TRDN: variants seen among roughly 807,000 people sequenced by gnomAD.
The protein encoded by TRDN is triadin in skeletal muscle.
TRDN carries 161 observed loss-of-function variants against 149.7 expected under a neutral mutation model. The observed-to-expected ratio is 1.08, with a 90% CI of 0.95 to 1.23. The LOEUF (loss-of-function observed/expected upper bound fraction) is 1.23, where lower values mean the gene tolerates loss of function less well. Among genes scored for constraint, TRDN ranks in the 50% most tolerant of loss-of-function variants. The probability of loss-of-function intolerance (pLI) is 0.00; values close to 1 mark genes in which losing one functional copy is unlikely to be tolerated. For missense variants in TRDN, 896 were observed against 823.5 expected, an observed-to-expected ratio of 1.09 and a Z score of -1.08; for synonymous variants, 294 against 250.5, an observed-to-expected ratio of 1.17 and a Z score of -1.64.
At chr6:123,442,423 G>A (rs1365826692) in intron 10 of TRDN, 1 of 140,014 alleles carries the variant, frequency 7.1e-6, no homozygotes, top group African/African-American at 3.0e-5. Context: ...GTGGGCGCCT[G>A]TAGTCCCAGC....
intron 2 of TRDN, among the ~76,000 whole-genome samples, chr6:123,558,219 CATCACTGAGTCTTTCCTCTTTCCA>C (rs1781786752): frequency 6.6e-6 from 1 of 152,040 alleles, no homozygotes; most frequent in Non-Finnish European, 1.5e-5. Context: ...CAACCCCAAG[CATCACTGAGTCTTTCCTCTTTCCA>C]ATCTTCCTTT....
chr6:123,355,538 T>A (rs1232699862), intron 20 of TRDN, among the ~76,000 whole-genome samples: 2 of 151,764 alleles, frequency 1.3e-5, no homozygotes, highest in African/African-American at 4.8e-5. Context: ...ATTCTTGATA[T>A]CTACTACTAC....
chr6:123,466,309 G>A (rs1562328978), intron 9 of TRDN, among the ~76,000 whole-genome samples: 5 of 152,126 alleles, frequency 3.3e-5, no homozygotes. Context: ...CAATTACATA[G>A]TGTTTACTAT....
chr6:123,290,630 T>C (rs1202760943), intron 24 of TRDN, among the ~76,000 whole-genome samples: 1 of 152,174 alleles, frequency 6.6e-6, no homozygotes, highest in Non-Finnish European at 1.5e-5. Flanking sequence ...GAACTTATTG[T>C]GTGGTTTAAA....
At chr6:123,296,095 C>T (rs1778183732) in intron 24 of TRDN, among the ~76,000 whole-genome samples, 1 of 152,056 alleles carries the variant, frequency 6.6e-6, no homozygotes, top group Non-Finnish European at 1.5e-5. Flanking sequence ...AATGTTGCAG[C>T]ATTATTTTCT....
chr6:123,297,418 A>T (rs1469616293), intron 24 of TRDN, among the ~76,000 whole-genome samples: 1 of 152,042 alleles, frequency 6.6e-6, no homozygotes, highest in African/African-American at 2.4e-5. Context: ...GAGGAAGTTA[A>T]TAGAGAACCA....
intron 7 of TRDN, among the ~76,000 whole-genome samples, chr6:123,508,330 C>G (rs1023331807): frequency 6.6e-6 from 1 of 151,998 alleles, no homozygotes; most frequent in Admixed American, 6.6e-5. Flanking sequence ...GAATTGCACA[C>G]GTATTAATAT....
intron 23 of TRDN, among the ~76,000 whole-genome samples, chr6:123,328,896 A>C (rs1779563632): frequency 6.6e-6 from 1 of 151,770 alleles, no homozygotes; most frequent in East Asian, 1.9e-4. Context: ...AGAGCCCAGC[A>C]CCCCCGCAGC....
At chr6:123,493,074 T>C (rs1045458664) in intron 9 of TRDN, among the ~76,000 whole-genome samples, 13 of 152,278 alleles carry the variant, frequency 8.5e-5, no homozygotes, top group African/African-American at 3.1e-4. Context: ...AAAGTATCTC[T>C]GGAGAGGGGA....
rs1282489499 is a variant in TRDN at position 123,287,355 on chromosome 6, A to G, written c.1511-8273T>C. 2.0e-5 allele frequency among the ~76,000 whole-genome samples: 3 copies of G among 152,164 alleles called. No homozygotes were observed. The East Asian group carries it at 5.8e-4, about 29-fold the overall frequency. On this transcript the variant is annotated intron_variant, in intron 24 of 40. Transcript: ENST00000334268. ...GCAATAGTAAGCCCAAGAGTAGATT[A>G]CTGGGGGAGAATTCTGTAAGGCAGT...
chr6:123,388,276 T>C (rs1781981257), intron 14 of TRDN, among the ~76,000 whole-genome samples: 1 of 152,162 alleles, frequency 6.6e-6, no homozygotes, highest in African/African-American at 2.4e-5. Context: ...GTAGGAGCCC[T>C]AGGATTTTGA....
chr6:123,221,455 A>G, intron 40 of TRDN, 32 bp downstream of exon 40: 1 of 1,480,442 alleles, frequency 6.8e-7, no homozygotes, highest in African/African-American at 1.4e-5. Flanking sequence ...ATACAGAATG[A>G]TTTATTACTT....
At chr6:123,471,349 A>G (rs1353211104) in intron 9 of TRDN, 1 of 152,202 alleles carries the variant, frequency 6.6e-6, no homozygotes, top group Non-Finnish European at 1.5e-5. Context: ...TGCCTCTTGC[A>G]TTATGTAGTT....
intron 12 of TRDN, among the ~76,000 whole-genome samples, chr6:123,411,463 C>T (rs1025818705): frequency 6.6e-6 from 1 of 152,002 alleles, no homozygotes; most frequent in South Asian, 2.1e-4. Context: ...AACTGAATTG[C>T]TTTGTATGAC....
intron 5 of TRDN, among the ~76,000 whole-genome samples, chr6:123,522,514 C>CCT: frequency 8.0e-6 from 1 of 125,444 alleles, no homozygotes; most frequent in East Asian, 2.6e-4. Context: ...GGGTGCGGTT[C>CCT]CTCTTTTTTT....
At chr6:123,381,620 T>C (rs1781723037) in intron 15 of TRDN, among the ~76,000 whole-genome samples, 1 of 152,034 alleles carries the variant, frequency 6.6e-6, no homozygotes, top group Non-Finnish European at 1.5e-5. Context: ...AACCCAGGAT[T>C]ATACTGTTTA....
chr6:123,260,663 TG>T, intron 33 of TRDN, 25 bp from the exon 34 acceptor site: 1 of 1,237,636 alleles, frequency 8.1e-7, no homozygotes. Context: ...AAAAAAAGAA[TG>T]TAGAAAGAAA....
In TRDN at chr6:123,218,159, TA is replaced by T. The variant is rs1202304295; in HGVS notation, c.*441del. 6.6e-6 allele frequency: 1 copy of T among 152,300 alleles called. No homozygotes were observed. The highest frequency in any genetic ancestry group is 2.4e-5 in the African/African-American group (1 of 41,424). 9.4% of individuals were successfully genotyped at this position (152,300 alleles called of 1,614,324 possible). A position where few individuals can be genotyped will look rare whatever the true frequency, so the allele number is the denominator to read the frequency against. ...TGGGTAAATTAAGTTTAGATACCCA[TA>T]TGATGCAAAAGGGTCACTTTTATAT... On this transcript the variant is annotated 3_prime_UTR_variant, in exon 41 of 41. Transcript: ENST00000334268.
chr6:123,234,955 A>G (rs1302798590), intron 38 of TRDN, among the ~76,000 whole-genome samples: 1 of 152,154 alleles, frequency 6.6e-6, no homozygotes, highest in African/African-American at 2.4e-5. Context: ...GGGTGGGACA[A>G]TGATAAAATT....
Sources: allele counts gnomAD v4.1 joint callset (sites outside exome capture counted in the v4.1 genomes callset), GRCh38; gene constraint gnomAD v4.1.1; transcripts MANE v1.5; gene names NCBI Gene and HGNC (gene_info 2026-07-23, HGNC 2026-07-21).